The following CHRM2 variants were observed in gnomAD, a reference collection of about 807,000 sequenced individuals.
The protein encoded by CHRM2 is muscarinic acetylcholine receptor M2.
CHRM2 carries 8 observed loss-of-function variants against 25.0 expected under a neutral mutation model. The ratio of observed to expected loss-of-function variants is 0.32; its 90% confidence interval spans 0.19 to 0.58. The LOEUF (loss-of-function observed/expected upper bound fraction) is 0.58, where lower values mean the gene tolerates loss of function less well. Ranked by LOEUF, CHRM2 falls within the 20% of genes least tolerant of loss-of-function variation. CHRM2 has a pLI of 0.88. For missense variants in CHRM2, 440 were observed against 567.1 expected (o/e 0.78, Z 2.28); for synonymous variants, 202 against 205.7 (o/e 0.98, Z 0.15).
chr7:136,910,186 T>C (rs1298983421), intron 2 of CHRM2, among the ~76,000 whole-genome samples: 2 of 151,914 alleles, frequency 1.3e-5, no homozygotes, highest in Non-Finnish European at 2.9e-5. Flanking sequence ...AATCACCTTA[T>C]ATTTAATATT....
At chr7:136,934,028 T>C (rs2093624083) in intron 2 of CHRM2, among the ~76,000 whole-genome samples, 1 of 152,180 alleles carries the variant, frequency 6.6e-6, no homozygotes, top group Admixed American at 6.5e-5. Flanking sequence ...GACAATTGTA[T>C]AGCTCTGTGA....
At chr7:136,870,821 C>A (rs1415037629) in intron 2 of CHRM2, 12 of 152,418 alleles carry the variant, frequency 7.9e-5, no homozygotes, top group African/African-American at 2.6e-4. Context: ...TCTGCCAGCC[C>A]AGGCGCCGCG....
In CHRM2 at chr7:137,014,896, A is replaced by T. The variant is rs749289446; in HGVS notation, c.31A>T (p.Ser11Cys). MNNSTNSSNNSLALTSPYKTF... is the reference protein window; with the variant it reads MNNSTNSSNNCLALTSPYKTF... ...TAACTCAACAAACTCCTCTAACAAT[A>T]GCCTGGCTCTTACAAGTCCTTATAA... The change falls in exon 4 of 4, where the codon AGC becomes TGC. Residue 11 changes from serine (S) to cysteine (C), a missense_variant. Around this residue, in one of 5 missense-constraint regions of CHRM2, gnomAD observed 86 missense variants for 124.9 expected, o/e 0.69. Transcript: ENST00000680005. 6.2e-7 allele frequency: 1 copy of T among 1,613,174 alleles called. No individual in the cohort carries two copies. The highest frequency in any genetic ancestry group is 8.5e-7 in the Non-Finnish European group (1 of 1,179,488).
chr7:137,020,086 C>T lies in CHRM2; in HGVS notation c.*3820C>T, dbSNP rs1403964456. ...TTCAATACCATGCCTCTTAAAAATG[C>T]TTCTCTTAAAGGGTGCACGCTGTAG... is the stretch of plus-strand genomic sequence containing the variant. On this transcript the variant is annotated 3_prime_UTR_variant, in exon 4 of 4. Coordinates refer to ENST00000680005, the MANE Select transcript of CHRM2 (RefSeq NM_001006630.2). 2.0e-5 allele frequency: 3 copies of T among 151,714 alleles called. No homozygotes were observed. Among genetic ancestry groups the T allele is most frequent in the Admixed American group, 6.6e-5 (1 of 15,176 alleles). The allele number at this position is 151,714 out of a possible 1,614,324, so 9.4% of individuals were successfully genotyped here.
chr7:136,989,222 A>C (rs917736006), intron 2 of CHRM2, among the ~76,000 whole-genome samples: 1 of 150,892 alleles, frequency 6.6e-6, no homozygotes. Context: ...AAGGTTAAAG[A>C]TTTTTGTTTT....
At chr7:137,005,729 C>G (rs892228859) in intron 3 of CHRM2, among the ~76,000 whole-genome samples, 1 of 152,078 alleles carries the variant, frequency 6.6e-6, no homozygotes, top group Non-Finnish European at 1.5e-5. Flanking sequence ...AGAACAACTG[C>G]TTTTATTCTA....
intron 3 of CHRM2, among the ~76,000 whole-genome samples, chr7:136,996,149 C>T (rs577051120): frequency 1.3e-5 from 2 of 151,678 alleles, no homozygotes; most frequent in African/African-American, 4.8e-5. Context: ...TCTTTTTATA[C>T]CTTATTCTAA....
chr7:137,019,958 T>A lies in CHRM2; in HGVS notation c.*3692T>A, dbSNP rs1393960191. 5 of 151,890 alleles carry A rather than the reference T, an allele frequency of 3.3e-5. No individual in the cohort carries two copies. Among genetic ancestry groups the A allele is most frequent in the African/African-American group, 1.2e-4 (5 of 41,412 alleles). 9.4% of individuals were successfully genotyped at this position (151,890 alleles called of 1,614,324 possible). A position where few individuals can be genotyped will look rare whatever the true frequency, so the allele number is the denominator to read the frequency against. ...TGACAGTTTCCTCCTCGCCCCAGTT[T>A]GATAATATCCCTTTCAACAACCATA... On this transcript the variant is annotated 3_prime_UTR_variant, in exon 4 of 4. Transcript: ENST00000680005.
At chr7:136,926,738 T>C (rs1363501675) in intron 2 of CHRM2, among the ~76,000 whole-genome samples, 2 of 152,196 alleles carry the variant, frequency 1.3e-5, no homozygotes, top group African/African-American at 4.8e-5. Context: ...TCTCAACTCC[T>C]CTGCGTACTA....
chr7:136,879,603 C>A (rs969163726), intron 2 of CHRM2, among the ~76,000 whole-genome samples: 1 of 151,928 alleles, frequency 6.6e-6, no homozygotes, highest in East Asian at 1.9e-4. Context: ...CATACTGACA[C>A]TTTTAATCAA....
intron 2 of CHRM2, among the ~76,000 whole-genome samples, chr7:136,944,070 G>A (rs923556261): frequency 5.3e-5 from 8 of 152,056 alleles, no homozygotes; most frequent in African/African-American, 1.7e-4. Flanking sequence ...ATGACCTTTC[G>A]AGTTGGCTTT....
chr7:136,956,438 C>T (rs1474870034), intron 2 of CHRM2, among the ~76,000 whole-genome samples: 3 of 152,068 alleles, frequency 2.0e-5, no homozygotes, highest in Non-Finnish European at 4.4e-5. Context: ...TTCACTCTGA[C>T]CTAAGATTAG....
At chr7:136,974,618 G>T (rs575907202) in intron 2 of CHRM2, among the ~76,000 whole-genome samples, 34 of 152,192 alleles carry the variant, frequency 2.2e-4, no homozygotes, top group Admixed American at 1.2e-3. Context: ...CAGTGGGGCT[G>T]TATTATATTA....
intron 2 of CHRM2, among the ~76,000 whole-genome samples, chr7:136,889,191 T>C (rs977989751): frequency 6.6e-6 from 1 of 151,940 alleles, no homozygotes; most frequent in East Asian, 1.9e-4. Context: ...TATTGGTGGA[T>C]AGGTGATTTC....
chr7:136,873,759 T>G (rs1795935821), intron 2 of CHRM2, among the ~76,000 whole-genome samples: 1 of 152,176 alleles, frequency 6.6e-6, no homozygotes, highest in Admixed American at 6.6e-5. Context: ...AGAAGTTCAA[T>G]GATGTTCTCC....
At chr7:136,897,080 T>C (rs1266628809) in intron 2 of CHRM2, among the ~76,000 whole-genome samples, 1 of 149,772 alleles carries the variant, frequency 6.7e-6, no homozygotes, top group Non-Finnish European at 1.5e-5. Flanking sequence ...GAGCAGAATG[T>C]ATTGGTCTGG....
intron 2 of CHRM2, among the ~76,000 whole-genome samples, chr7:136,942,777 T>C (rs1799847996): frequency 1.3e-5 from 2 of 152,154 alleles, no homozygotes; most frequent in African/African-American, 4.8e-5. Flanking sequence ...TTTCCCTTGC[T>C]TTGCTGGTTT....
chr7:136,881,843 G>T (rs1315344756), intron 2 of CHRM2, among the ~76,000 whole-genome samples: 1 of 151,960 alleles, frequency 6.6e-6, no homozygotes. Context: ...AAATATCACA[G>T]GGCTGTTTAC....
chr7:136,876,921 G>C (rs922802125), intron 2 of CHRM2, among the ~76,000 whole-genome samples: 3 of 152,064 alleles, frequency 2.0e-5, no homozygotes, highest in African/African-American at 7.2e-5. Flanking sequence ...TCATTTAAAA[G>C]AGATTAATTC....
Sources: gnomAD v4.1 joint callset for allele counts (sites outside exome capture counted in the v4.1 genomes callset) on GRCh38, gnomAD v4.1.1 for gene constraint, gnomAD v4.1.1 regional missense constraint, MANE v1.5 for transcripts, NCBI Gene and HGNC (gene_info 2026-07-23, HGNC 2026-07-21) for gene names.